Variants in RANBP2 observed in about 807,000 individuals in gnomAD.
RANBP2 encodes the protein E3 SUMO-protein ligase RanBP2.
RANBP2 carries 57 observed loss-of-function variants against 303.6 expected under a neutral mutation model. The ratio of observed to expected loss-of-function variants is 0.19; its 90% CI spans 0.15 to 0.23. The LOEUF is 0.23. Ranked by LOEUF, RANBP2 falls within the 10% of genes least tolerant of loss-of-function variation. The pLI is 1.00. For synonymous variants in RANBP2, 1,167 were observed against 1,301.5 expected (o/e 0.90, Z 2.23); for missense variants, 3,138 against 3,780.8 (o/e 0.83, Z 4.46).
chr2:109,456,263 C>T, the RANBP2 span, among the ~76,000 whole-genome samples: 1 of 152,236 alleles, frequency 6.6e-6, no homozygotes, highest in South Asian at 2.1e-4. Flanking sequence ...CCCCGTGTGG[C>T]TGGGAGCACC....
chr2:109,651,839 G>C, the RANBP2 span, among the ~76,000 whole-genome samples: 1 of 152,142 alleles, frequency 6.6e-6, no homozygotes, highest in Admixed American at 6.5e-5. Context: ...AGATGAACAA[G>C]ATGATGGCGA....
chr2:109,399,046 C>A, the RANBP2 span: 1 of 1,270,296 alleles, frequency 7.9e-7, no homozygotes, highest in South Asian at 1.5e-5. Flanking sequence ...TGGAGGCCGC[C>A]CCAGAACTGC....
At chr2:108,722,327 G>T (rs1476537070) in intron 1 of RANBP2, among the ~76,000 whole-genome samples, 1 of 152,140 alleles carries the variant, frequency 6.6e-6, no homozygotes. Context: ...GGATTAACTA[G>T]TGAGTAACTT....
the RANBP2 span, among the ~76,000 whole-genome samples, chr2:108,840,869 T>C: frequency 6.6e-6 from 1 of 152,206 alleles, no homozygotes; most frequent in Admixed American, 6.5e-5. Context: ...TGGAATTCAC[T>C]GGCACAGTCT....
chr2:108,775,648 C>T, intron 23 of RANBP2, 84 bp from the exon 24 acceptor site: 1 of 1,462,360 alleles, frequency 6.8e-7, no homozygotes, highest in Middle Eastern at 1.7e-4. Flanking sequence ...CCCAAGTTCT[C>T]AATTCCCTTT....
At chr2:109,012,284 C>T in the RANBP2 span, among the ~76,000 whole-genome samples, 2 of 152,274 alleles carry the variant, frequency 1.3e-5, no homozygotes, top group South Asian at 2.1e-4. Flanking sequence ...TGCTAGTGGG[C>T]CAAGAGCTGC....
chr2:108,867,098 C>T, the RANBP2 span, among the ~76,000 whole-genome samples: 1 of 151,836 alleles, frequency 6.6e-6, no homozygotes, highest in Admixed American at 6.6e-5. Flanking sequence ...AGAACTGTTC[C>T]ACTAGCTTAG....
the RANBP2 span, among the ~76,000 whole-genome samples, chr2:109,130,324 C>T: frequency 1.3e-5 from 2 of 152,360 alleles, no homozygotes; most frequent in East Asian, 1.9e-4. Context: ...TCCCATCCTC[C>T]TGTGGAGTGG....
At chr2:109,252,512 A>G in the RANBP2 span, among the ~76,000 whole-genome samples, 1 of 152,046 alleles carries the variant, frequency 6.6e-6, no homozygotes, top group Non-Finnish European at 1.5e-5. Context: ...GGGACTGAGG[A>G]GTTTCTTGGG....
the RANBP2 span, among the ~76,000 whole-genome samples, chr2:109,406,809 G>A: frequency 2.0e-5 from 3 of 152,152 alleles, no homozygotes; most frequent in East Asian, 1.9e-4. Context: ...CCAGTGCAGA[G>A]GCTACATGGA....
chr2:109,090,618 C>A, the RANBP2 span, among the ~76,000 whole-genome samples: 17 of 152,030 alleles, frequency 1.1e-4, no homozygotes, highest in African/African-American at 3.9e-4. Flanking sequence ...ATTTTAATCC[C>A]AGTTCTGTCC....
chr2:109,481,900 C>A, the RANBP2 span, among the ~76,000 whole-genome samples: 1 of 152,144 alleles, frequency 6.6e-6, no homozygotes, highest in Non-Finnish European at 1.5e-5. Context: ...ACCACGGAAT[C>A]ACTGCTGGAG....
the RANBP2 span, among the ~76,000 whole-genome samples, chr2:108,936,147 C>G: frequency 3.8e-4 from 58 of 152,258 alleles, no homozygotes; most frequent in Non-Finnish European, 7.5e-4. Context: ...ACGGTGCTAC[C>G]TCTTCCAAAA....
At position 108,777,826 on chromosome 2, in the gene RANBP2, T is replaced by G. The variant is rs545566847; in HGVS notation, c.8599+595T>G. 3.2e-4 allele frequency among the ~76,000 whole-genome samples: 49 copies of G among 152,306 alleles called. 1 individual carries two copies. In the South Asian group the frequency reaches 7.7e-3, roughly 24 times the overall value. The stretch of plus-strand genomic sequence containing the variant: ...TTGTAATATCTTTCACATTGCTCTT[T>G]ATAGCACCCCTTAAATAGTTCTAGT... On this transcript the variant is annotated intron_variant, in intron 25 of 28. Transcript: ENST00000283195.
At chr2:109,441,132 C>CAAAAAAAAAAAAAAAA in the RANBP2 span, among the ~76,000 whole-genome samples, 248 of 133,816 alleles carry the variant, frequency 1.9e-3, no homozygotes, top group African/African-American at 6.9e-3. Context: ...TATAGGAATA[C>CAAAAAAAAAAAAAAAA]AAAAAAAAAA....
chr2:109,029,080 C>T, the RANBP2 span, among the ~76,000 whole-genome samples: 5 of 151,770 alleles, frequency 3.3e-5, no homozygotes, highest in African/African-American at 7.3e-5. Context: ...GCACTGTGCC[C>T]GGCCTATGTG....
chr2:108,728,180 T>G (rs1694880556), intron 1 of RANBP2, among the ~76,000 whole-genome samples: 1 of 152,192 alleles, frequency 6.6e-6, no homozygotes, highest in African/African-American at 2.4e-5. Flanking sequence ...AAAGCTGGTT[T>G]CTTTTGTTTG....
the RANBP2 span, among the ~76,000 whole-genome samples, chr2:108,872,940 GT>G: frequency 6.6e-6 from 1 of 152,134 alleles, no homozygotes; most frequent in Non-Finnish European, 1.5e-5. Context: ...TAAATTAAAT[GT>G]GAGAGTAGTC....
the RANBP2 span, among the ~76,000 whole-genome samples, chr2:109,051,592 A>C: frequency 4.6e-5 from 7 of 152,132 alleles, no homozygotes; most frequent in Non-Finnish European, 1.0e-4. Context: ...ATAAACCAAG[A>C]GGGAGAGGGG....
Sources: allele counts gnomAD v4.1 joint callset (sites outside exome capture counted in the v4.1 genomes callset), GRCh38; gene constraint gnomAD v4.1.1; transcripts MANE v1.5; gene names NCBI Gene and HGNC (gene_info 2026-07-23, HGNC 2026-07-21).